Variants in VPS53 observed in about 807,000 individuals in gnomAD.
VPS53 encodes vacuolar protein sorting-associated protein 53 homolog.
A neutral mutation model predicts 107.0 loss-of-function variants in VPS53; 70 were observed. The ratio of observed to expected loss-of-function variants is 0.65; its 90% CI spans 0.54 to 0.80. The LOEUF (loss-of-function observed/expected upper bound fraction) is 0.80. VPS53 is among the 30% of genes least tolerant of loss of function. The pLI is 0.00. For missense variants in VPS53, 917 were observed against 1,049.4 expected (o/e 0.87, Z 1.74); for synonymous variants, 409 against 393.3 (o/e 1.04, Z -0.47).
At chr17:610,165 A>T (rs922338003) in intron 11 of VPS53, among the ~76,000 whole-genome samples, 4 of 149,876 alleles carry the variant, frequency 2.7e-5, no homozygotes, top group Non-Finnish European at 5.9e-5. Flanking sequence ...ACACACACAC[A>T]CACACACACA....
chr17:531,748 C>T (rs1185655312), intron 19 of VPS53, among the ~76,000 whole-genome samples: 1 of 148,690 alleles, frequency 6.7e-6, no homozygotes, highest in Non-Finnish European at 1.5e-5. Flanking sequence ...CCTCCCATCT[C>T]AGCCTCCCAT....
Position 561,698 on chromosome 17 carries a change from C to T in VPS53, c.1556+805G>A, listed in dbSNP as rs373702287. Among the ~76,000 whole-genome samples the T allele has an allele frequency of 1.6e-4, 24 of 152,288 alleles. No individual in the cohort carries two copies. In the East Asian group the frequency reaches 2.5e-3, roughly 16 times the overall value. ...AGGCTGGAGTGCAATGGCACAATCT[C>T]GGCTCAGCGCAACCTCCGCCTCCCG... On this transcript the variant is annotated intron_variant, in intron 14 of 21. Coordinates refer to ENST00000437048, the MANE Select transcript of VPS53 (RefSeq NM_001128159.3).
chr17:657,915 C>G (rs918722715), intron 5 of VPS53, among the ~76,000 whole-genome samples: 24 of 148,566 alleles, frequency 1.6e-4, no homozygotes, highest in African/African-American at 5.7e-4. Flanking sequence ...GAAACTCGGC[C>G]GTGAGTTCTT....
intron 12 of VPS53, 58 bp downstream of exon 12, chr17:601,737 C>G: frequency 2.2e-6 from 3 of 1,389,552 alleles, no homozygotes; most frequent in Non-Finnish European, 2.0e-6. Context: ...AGCAAGCAGA[C>G]CGATTTTCAG....
At chr17:549,754 AT>A (rs1215956311) in intron 17 of VPS53, among the ~76,000 whole-genome samples, 1 of 152,074 alleles carries the variant, frequency 6.6e-6, no homozygotes, top group Non-Finnish European at 1.5e-5. Context: ...GGCAAAACGA[AT>A]CCTCTAAGCA....
chr17:516,790 T>A lies in VPS53; in HGVS notation c.*2338A>T, dbSNP rs921741308. 6.6e-6 allele frequency: 1 copy of A among 152,236 alleles called. No homozygotes were observed. Among genetic ancestry groups the A allele is most frequent in the African/African-American group, 2.4e-5 (1 of 41,456 alleles). The allele number at this position is 152,236 out of a possible 1,614,324, so 9.4% of individuals were successfully genotyped here. On this transcript the variant is annotated 3_prime_UTR_variant, in exon 22 of 22. Transcript: ENST00000437048. ...AACAGAAACTCCTACTGACATCCATTGGTTCCTTGGGGATTACTGACAATG... is the reference window on the plus strand; with the variant it reads ...AACAGAAACTCCTACTGACATCCATAGGTTCCTTGGGGATTACTGACAATG...
Position 560,409 on chromosome 17 carries a change from C to G in VPS53, c.1704+17G>C. ...TCAGGAAAAGGAGGTGGTGAGTGGG[C>G]AGCCAGGATGGCTCACCTGCTGGGT... On this transcript the variant is annotated intron_variant, in intron 15 of 21. Transcript: ENST00000437048. 2 of 1,604,390 alleles carry G rather than the reference C, an allele frequency of 1.2e-6. No homozygotes were observed. Among genetic ancestry groups the G allele is most frequent in the African/African-American group, 1.3e-5 (1 of 74,804 alleles).
At chr17:569,254 G>A (rs930170209) in intron 13 of VPS53, among the ~76,000 whole-genome samples, 11 of 152,160 alleles carry the variant, frequency 7.2e-5, no homozygotes, top group African/African-American at 2.4e-4. Flanking sequence ...GACAAATCCT[G>A]GAAGGAAAAA....
At chr17:597,211 G>A (rs2143005680) in intron 12 of VPS53, among the ~76,000 whole-genome samples, 2 of 152,258 alleles carry the variant, frequency 1.3e-5, no homozygotes, top group South Asian at 4.1e-4. Flanking sequence ...TTACCTTGAG[G>A]GCCACATGGC....
At chr17:527,957 T>G (rs1054935763) in intron 19 of VPS53, among the ~76,000 whole-genome samples, 5 of 152,204 alleles carry the variant, frequency 3.3e-5, no homozygotes, top group African/African-American at 1.2e-4. Flanking sequence ...CTTTTATGGT[T>G]AGTGCTTTTA....
chr17:650,788 T>C (rs930272829), intron 7 of VPS53, among the ~76,000 whole-genome samples: 6 of 152,166 alleles, frequency 3.9e-5, no homozygotes, highest in African/African-American at 1.4e-4. Context: ...ATTTTAAGAA[T>C]TAGAAACAAC....
intron 11 of VPS53, among the ~76,000 whole-genome samples, chr17:609,376 G>A (rs1037579902): frequency 7.9e-5 from 12 of 152,136 alleles, no homozygotes; most frequent in Non-Finnish European, 1.3e-4. Context: ...GACAGACCAC[G>A]TTTTGGTTAT....
At chr17:561,310 T>C (rs754729374) in intron 14 of VPS53, among the ~76,000 whole-genome samples, 1 of 152,224 alleles carries the variant, frequency 6.6e-6, no homozygotes, top group Non-Finnish European at 1.5e-5. Flanking sequence ...CCCACTCATA[T>C]CTGGATGCTT....
intron 4 of VPS53, among the ~76,000 whole-genome samples, chr17:693,734 T>C (rs547292014): frequency 2.6e-5 from 4 of 152,088 alleles, no homozygotes; most frequent in Non-Finnish European, 4.4e-5. Flanking sequence ...CCTAACATGA[T>C]AATAATAAAT....
intron 2 of VPS53, among the ~76,000 whole-genome samples, chr17:703,650 T>C (rs550135043): frequency 1.3e-5 from 2 of 152,208 alleles, no homozygotes; most frequent in Non-Finnish European, 2.9e-5. Flanking sequence ...TATTTCCTGA[T>C]TCTAATGGTA....
At chr17:563,698 C>A (rs938006980) in intron 13 of VPS53, among the ~76,000 whole-genome samples, 3 of 152,146 alleles carry the variant, frequency 2.0e-5, no homozygotes, top group Admixed American at 6.5e-5. Flanking sequence ...CAGAGTAATA[C>A]AGCAAGAAAA....
intron 4 of VPS53, chr17:673,877 GA>G (rs1972057315): frequency 6.6e-6 from 1 of 152,182 alleles, no homozygotes. Flanking sequence ...GTGAACCAAA[GA>G]GCTCATTTTT....
rs532000760 is a variant in VPS53 at position 677,945 on chromosome 17, C to T, written c.286-16050G>A. Among the ~76,000 whole-genome samples, 291 of 151,932 alleles carry T rather than the reference C, an allele frequency of 1.9e-3. 1 individual carries two copies. Among genetic ancestry groups the T allele is most frequent in the Non-Finnish European group, 6.3e-4 (43 of 67,958 alleles). ...CCAGTCTGGGCAACACAGCAAAACC[C>T]GGATTCCACGAGAAATACAAAAAAA... On this transcript the variant is annotated intron_variant, in intron 4 of 21. Transcript: ENST00000437048.
chr17:714,044 C>CAAAAAA (rs397818093), intron 1 of VPS53: 3 of 77,722 alleles, frequency 3.9e-5, no homozygotes, highest in African/African-American at 5.4e-5. Context: ...GAATCCGTCT[C>CAAAAAA]AAAAAAAAAA....
Sources: allele counts gnomAD v4.1 joint callset (sites outside exome capture counted in the v4.1 genomes callset), GRCh38; gene constraint gnomAD v4.1.1; transcripts MANE v1.5; gene names NCBI Gene and HGNC (gene_info 2026-07-23, HGNC 2026-07-21).